The following SFMBT2 variants were observed in gnomAD, a reference collection of about 807,000 sequenced individuals.
SFMBT2 encodes Scm like with four mbt domains 2, also known as scm-like with four MBT domains protein 2.
Under a neutral mutation model 110.1 loss-of-function variants are expected in SFMBT2, and 38 were observed. That is an observed-to-expected ratio of 0.35 (90% CI 0.27 to 0.45). SFMBT2 has a LOEUF of 0.45. Ranked by LOEUF, SFMBT2 falls within the 20% of genes least tolerant of loss-of-function variation. The pLI is 1.00. For synonymous variants in SFMBT2, 425 were observed against 425.4 expected (o/e 1.00, Z 0.01); for missense variants, 1,011 against 1,094.9 (o/e 0.92, Z 1.08).
chr10:7,265,567 T>G (rs1841359479), intron 7 of SFMBT2, among the ~76,000 whole-genome samples: 1 of 152,218 alleles, frequency 6.6e-6, no homozygotes, highest in Non-Finnish European at 1.5e-5. Flanking sequence ...CTCTTCTCAG[T>G]GCTCTCAACT....
chr10:7,394,144 C>T (rs1390106768), intron 1 of SFMBT2, among the ~76,000 whole-genome samples: 2 of 152,032 alleles, frequency 1.3e-5, no homozygotes, highest in Non-Finnish European at 2.9e-5. Flanking sequence ...GGATTACAGG[C>T]GCGCCACCAT....
Position 7,227,885 on chromosome 10 carries a change from C to A in SFMBT2, c.1173G>T (p.Ala391=), listed in dbSNP as rs143424241. 3 of 1,609,026 alleles carry A rather than the reference C, an allele frequency of 1.9e-6. No homozygotes were observed. Among genetic ancestry groups the A allele is most frequent in the Non-Finnish European group, 2.5e-6 (3 of 1,178,478 alleles). ...DWADYHKQHG[A]QEAPPFCFRN... ...GGAAGCAGAAGGGAGGGGCTTCCTG[C>A]GCCCCATGCTGCTTGTGATAATCTG... Residue 391 remains alanine (A), a synonymous_variant, in exon 10 of 21, where the codon GCG becomes GCT. Transcript: ENST00000397167.
intron 11 of SFMBT2, among the ~76,000 whole-genome samples, chr10:7,216,525 C>T (rs535290350): frequency 6.6e-6 from 1 of 152,306 alleles, no homozygotes; most frequent in South Asian, 2.1e-4. Flanking sequence ...TCTCATCAGT[C>T]TTGAGTATGT....
intron 7 of SFMBT2, among the ~76,000 whole-genome samples, chr10:7,262,341 AT>A (rs1371881426): frequency 1.3e-5 from 2 of 152,122 alleles, no homozygotes; most frequent in Non-Finnish European, 2.9e-5. Flanking sequence ...TTTCTTAATT[AT>A]TTTTATTAAT....
intron 6 of SFMBT2, among the ~76,000 whole-genome samples, chr10:7,279,222 C>CCCAGGAAGGCAGACCAA (rs1841872929): frequency 6.6e-6 from 1 of 152,172 alleles, no homozygotes. Context: ...TGCACGCTGG[C>CCCAGGAAGGCAGACCAA]CCAGGAAGGC....
At chr10:7,343,833 G>C (rs1844011236) in intron 4 of SFMBT2, among the ~76,000 whole-genome samples, 1 of 152,138 alleles carries the variant, frequency 6.6e-6, no homozygotes, top group African/African-American at 2.4e-5. Context: ...GGGTTTGAGG[G>C]GGCAGAAAAT....
At chr10:7,178,184 C>T (rs1421727789) in intron 16 of SFMBT2, among the ~76,000 whole-genome samples, 1 of 152,152 alleles carries the variant, frequency 6.6e-6, no homozygotes, top group Non-Finnish European at 1.5e-5. Context: ...TCCCCACCAC[C>T]CACACAGCAG....
At chr10:7,166,356 C>T (rs1215251725) in intron 20 of SFMBT2, among the ~76,000 whole-genome samples, 2 of 152,198 alleles carry the variant, frequency 1.3e-5, no homozygotes, top group Non-Finnish European at 2.9e-5. Flanking sequence ...TGTACTTGGG[C>T]ATGATGGTGA....
intron 14 of SFMBT2, chr10:7,197,994 G>C (rs1325087227): frequency 2.0e-6 from 2 of 985,378 alleles, no homozygotes; most frequent in Non-Finnish European, 2.4e-6. Context: ...CTAATAGCAG[G>C]ACATTTTATA....
intron 4 of SFMBT2, among the ~76,000 whole-genome samples, chr10:7,332,031 AAAAAAAG>A (rs998308617): frequency 2.1e-5 from 3 of 142,268 alleles, no homozygotes; most frequent in African/African-American, 7.9e-5. Flanking sequence ...AAAAAAAAAA[AAAAAAAG>A]GAAAGGTGAA....
rs193216392 is a variant in SFMBT2 at position 7,202,252 on chromosome 10, A to C, written c.1487+228T>G. ...CTCCCCAGGTATGTCGAAATGGAATAAAAAGTGAGCCATGGGAATCTGGAT... is the reference window on the plus strand; with the variant it reads ...CTCCCCAGGTATGTCGAAATGGAATCAAAAGTGAGCCATGGGAATCTGGAT... On this transcript the variant is annotated intron_variant, in intron 13 of 20. Coordinates refer to ENST00000397167, the MANE Select transcript of SFMBT2 (RefSeq NM_001387889.1). 435 of 253,280 alleles carry C rather than the reference A, an allele frequency of 1.7e-3. 5 individuals carry two copies. In the Admixed American group the frequency reaches 0.026, roughly 15 times the overall value. 15.7% of individuals were successfully genotyped at this position (253,280 alleles called of 1,614,324 possible).
At chr10:7,208,742 T>C (rs1457359019) in intron 11 of SFMBT2, among the ~76,000 whole-genome samples, 2 of 152,074 alleles carry the variant, frequency 1.3e-5, no homozygotes, top group Non-Finnish European at 2.9e-5. Flanking sequence ...CTTCCTCAAT[T>C]ACAACTTTCA....
At chr10:7,360,392 G>A (rs1292714583) in intron 4 of SFMBT2, among the ~76,000 whole-genome samples, 6 of 152,038 alleles carry the variant, frequency 3.9e-5, no homozygotes, top group South Asian at 2.1e-4. Flanking sequence ...GCTTGACCCC[G>A]GGAGGCAGAG....
intron 9 of SFMBT2, among the ~76,000 whole-genome samples, chr10:7,236,734 G>T (rs1166329148): frequency 1.3e-5 from 2 of 151,986 alleles, no homozygotes; most frequent in Non-Finnish European, 2.9e-5. Flanking sequence ...GAATTCTAAA[G>T]GTATATAAAC....
At chr10:7,269,952 T>C (rs1032763482) in intron 7 of SFMBT2, among the ~76,000 whole-genome samples, 1 of 151,800 alleles carries the variant, frequency 6.6e-6, no homozygotes, top group African/African-American at 2.4e-5. Flanking sequence ...AGTGCCACTG[T>C]GTTATTTCTA....
chr10:7,233,683 A>T (rs1840176124), intron 9 of SFMBT2, among the ~76,000 whole-genome samples: 1 of 152,228 alleles, frequency 6.6e-6, no homozygotes, highest in Admixed American at 6.5e-5. Context: ...CAACTCACAG[A>T]GCAGCACTTC....
At chr10:7,324,244 T>TCA (rs148131364) in intron 4 of SFMBT2, among the ~76,000 whole-genome samples, 8 of 152,070 alleles carry the variant, frequency 5.3e-5, no homozygotes, top group Non-Finnish European at 1.0e-4. Flanking sequence ...ATTACTATAA[T>TCA]CACACACACA....
At chr10:7,355,407 C>T (rs1844471917) in intron 4 of SFMBT2, among the ~76,000 whole-genome samples, 1 of 152,220 alleles carries the variant, frequency 6.6e-6, no homozygotes, top group African/African-American at 2.4e-5. Flanking sequence ...ATTCAACATT[C>T]ACTCAGTTGC....
intron 4 of SFMBT2, among the ~76,000 whole-genome samples, chr10:7,315,642 T>G (rs1040808914): frequency 2.6e-5 from 4 of 152,166 alleles, no homozygotes; most frequent in African/African-American, 9.7e-5. Flanking sequence ...TTGGAACAAA[T>G]CTCTCAATAT....
Sources: gnomAD v4.1 joint callset for allele counts (sites outside exome capture counted in the v4.1 genomes callset) on GRCh38, gnomAD v4.1.1 for gene constraint, MANE v1.5 for transcripts, NCBI Gene and HGNC (gene_info 2026-07-23, HGNC 2026-07-21) for gene names.